MTPAP: variants seen among roughly 807,000 people sequenced by gnomAD.
MTPAP encodes mitochondrial poly(A) polymerase.
MTPAP carries 23 observed loss-of-function variants against 48.7 expected under a neutral mutation model. The observed-to-expected ratio is 0.47, with a 90% CI of 0.34 to 0.67. The LOEUF (loss-of-function observed/expected upper bound fraction) is 0.67. Among genes scored for constraint, MTPAP ranks in the 30% least tolerant of loss-of-function variants. The pLI is 0.01. For missense variants in MTPAP, 614 were observed against 694.3 expected, an observed-to-expected ratio of 0.88 and a Z score of 1.30; for synonymous variants, 257 against 254.1, an observed-to-expected ratio of 1.01 and a Z score of -0.11.
intron 2 of MTPAP, 65 bp from the exon 3 acceptor site, chr10:30,340,515 T>C: frequency 8.8e-7 from 1 of 1,136,018 alleles, no homozygotes; most frequent in Non-Finnish European, 1.3e-6. Context: ...CTATTTTAGC[T>C]CATATATTAA....
chr10:30,328,511 G>A (rs1834626101), intron 4 of MTPAP, among the ~76,000 whole-genome samples: 1 of 152,144 alleles, frequency 6.6e-6, no homozygotes, highest in South Asian at 2.1e-4. Flanking sequence ...CTATCCATGT[G>A]GTATACACCT....
chr10:30,322,352 T>C lies in MTPAP; in HGVS notation c.1219+39A>G, dbSNP rs771231762. 12 of 1,441,042 alleles carry C rather than the reference T, an allele frequency of 8.3e-6. No individual in the cohort carries two copies. The East Asian group carries it at 1.6e-4, about 19-fold the overall frequency. The allele number at this position is 1,441,042 out of a possible 1,614,324, so 89.3% of individuals were successfully genotyped here. On this transcript the variant is annotated intron_variant, in intron 6 of 8. Transcript: ENST00000263063. ...ATGGTAATTATATTTACTCATAACA[T>C]TGGAAAAAGAAAATGGAGAAGTTTC...
chr10:30,341,157 A>T (rs1588721316), intron 2 of MTPAP, among the ~76,000 whole-genome samples: 1 of 151,868 alleles, frequency 6.6e-6, no homozygotes, highest in Admixed American at 6.6e-5. Context: ...GCTGTAGTGC[A>T]ATATGATCGT....
intron 5 of MTPAP, among the ~76,000 whole-genome samples, chr10:30,325,576 GT>G (rs1454782401): frequency 6.6e-6 from 1 of 151,864 alleles, no homozygotes. Flanking sequence ...GTGAAACCCC[GT>G]CTCCACTAAA....
At chr10:30,316,318 A>T in intron 6 of MTPAP, 108 bp from the exon 7 acceptor site, 2 of 846,628 alleles carry the variant, frequency 2.4e-6, no homozygotes, top group Non-Finnish European at 3.8e-6. Context: ...TCTCAGCTCA[A>T]TGCAGCCTCC....
At chr10:30,325,454 T>G (rs914713593) in intron 5 of MTPAP, among the ~76,000 whole-genome samples, 1 of 152,154 alleles carries the variant, frequency 6.6e-6, no homozygotes, top group Admixed American at 6.6e-5. Context: ...TAAGAAATTT[T>G]CCCTACTGTG....
chr10:30,322,248 C>T (rs778750108), intron 6 of MTPAP, 143 bp downstream of exon 6: 2 of 723,774 alleles, frequency 2.8e-6, no homozygotes, highest in Admixed American at 2.3e-5. Flanking sequence ...CATCTGCTCT[C>T]GTGACTCCGG....
chr10:30,339,459 G>A (rs1044419272), intron 3 of MTPAP, among the ~76,000 whole-genome samples: 1 of 143,832 alleles, frequency 7.0e-6, no homozygotes, highest in Admixed American at 7.1e-5. Context: ...CTCCAGCCTG[G>A]GCAAGAGCGA....
At chr10:30,340,790 G>A (rs1402357924) in intron 2 of MTPAP, among the ~76,000 whole-genome samples, 1 of 152,008 alleles carries the variant, frequency 6.6e-6, no homozygotes, top group Non-Finnish European at 1.5e-5. Context: ...GTGGTGGCAG[G>A]TGTCTGTAAG....
intron 3 of MTPAP, among the ~76,000 whole-genome samples, chr10:30,338,095 CA>C (rs879328058): frequency 5.2e-4 from 72 of 139,238 alleles, no homozygotes; most frequent in Non-Finnish European, 5.5e-4. Flanking sequence ...CTGACTCTAC[CA>C]AAAAAAAAAA....
rs186942274 is a variant in MTPAP, at chr10:30,316,094, T to A, written c.1312+24A>T. The A allele has an allele frequency of 1.7e-4, 274 of 1,608,878 alleles. 2 individuals are homozygous for A. In the African/African-American group the frequency reaches 3.0e-3, roughly 18 times the overall value. ...AAAGCCTGTTTCAATCCAGAAAGGA[T>A]CAAGTAAACAGAAAGACACTTACCT... is the stretch of plus-strand genomic sequence containing the variant. On this transcript the variant is annotated intron_variant, in intron 7 of 8. Transcript: ENST00000263063.
In MTPAP at chr10:30,349,064, C is replaced by T. The variant is rs1013691518; in HGVS notation, c.157+55G>A. ...CACAGGCCACGTGTTTCCCCGTGAT[C>T]CCAGACTCCTCGCCCGCTGTGGGAC... On this transcript the variant is annotated intron_variant, in intron 1 of 8. Transcript: ENST00000263063. 15 of 1,612,704 alleles carry T rather than the reference C, an allele frequency of 9.3e-6. No individual in the cohort carries two copies. In the African/African-American group the frequency reaches 1.2e-4, roughly 13 times the overall value.
chr10:30,329,644 T>A (rs1834640873), intron 4 of MTPAP, among the ~76,000 whole-genome samples: 1 of 152,170 alleles, frequency 6.6e-6, no homozygotes, highest in Non-Finnish European at 1.5e-5. Flanking sequence ...TTTAATTGTT[T>A]AAGCTAACTC....
chr10:30,349,058 C>A, intron 1 of MTPAP, 61 bp downstream of exon 1: 2 of 1,611,826 alleles, frequency 1.2e-6, no homozygotes, highest in Middle Eastern at 1.7e-4. Flanking sequence ...CGTGTTTCCC[C>A]GTGATCCCAG....
At chr10:30,329,190 G>A (rs1194219960) in intron 4 of MTPAP, among the ~76,000 whole-genome samples, 5 of 151,916 alleles carry the variant, frequency 3.3e-5, no homozygotes, top group Non-Finnish European at 7.4e-5. Context: ...CAAGGTTGCA[G>A]TGAGCCGAGA....
intron 1 of MTPAP, among the ~76,000 whole-genome samples, chr10:30,344,677 T>C (rs565464338): frequency 1.3e-5 from 2 of 152,328 alleles, no homozygotes; most frequent in African/African-American, 4.8e-5. Flanking sequence ...CAACTGCGTA[T>C]TGTAAAAGTA....
chr10:30,323,301 A>T (rs937665693), intron 5 of MTPAP, among the ~76,000 whole-genome samples: 1 of 149,844 alleles, frequency 6.7e-6, no homozygotes, highest in Non-Finnish European at 1.5e-5. Flanking sequence ...AAAATACAAA[A>T]ATTAGCTGGG....
intron 1 of MTPAP, 38 bp from the exon 2 acceptor site, chr10:30,341,678 C>T (rs1160583440): frequency 6.2e-7 from 1 of 1,609,462 alleles, no homozygotes; most frequent in Admixed American, 1.7e-5. Flanking sequence ...CACACGCACA[C>T]ACACAAAATT....
At chr10:30,326,370 A>G in intron 5 of MTPAP, 54 bp downstream of exon 5, 1 of 1,478,662 alleles carries the variant, frequency 6.8e-7, no homozygotes, top group East Asian at 2.4e-5. Context: ...GAGAAACACT[A>G]AGCTAATATA....
Sources: gnomAD v4.1 joint callset for allele counts (sites outside exome capture counted in the v4.1 genomes callset) on GRCh38, gnomAD v4.1.1 for gene constraint, MANE v1.5 for transcripts, NCBI Gene and HGNC (gene_info 2026-07-23, HGNC 2026-07-21) for gene names.